SETX: variants seen among roughly 807,000 people sequenced by gnomAD.
SETX encodes the protein helicase senataxin.
In SETX, 90 loss-of-function variants were observed where a neutral mutation model predicts 227.2. That is an observed-to-expected ratio of 0.40 (90% CI 0.33 to 0.47). The LOEUF (loss-of-function observed/expected upper bound fraction) is 0.47. Ranked by LOEUF, SETX falls within the 20% of genes least tolerant of loss-of-function variation. The pLI is 0.91. For missense variants in SETX, 3,052 were observed against 3,181.5 expected, an observed-to-expected ratio of 0.96 and a Z score of 0.98; for synonymous variants, 1,210 against 1,113.2, an observed-to-expected ratio of 1.09 and a Z score of -1.73.
At chr9:132,307,937 A>G (rs865957737) in intron 11 of SETX, among the ~76,000 whole-genome samples, 2 of 152,114 alleles carry the variant, frequency 1.3e-5, no homozygotes, top group South Asian at 2.1e-4. Flanking sequence ...TCGGCCTCCC[A>G]AAGTGCTGGG....
chr9:132,272,602 C>T (rs556621549), intron 23 of SETX, among the ~76,000 whole-genome samples: 26 of 152,274 alleles, frequency 1.7e-4, no homozygotes, highest in African/African-American at 5.5e-4. Flanking sequence ...CCACCATGCT[C>T]GGCTGCTAAG....
chr9:132,300,774 G>A lies in SETX; in HGVS notation c.5404C>T (p.Gln1802Ter). The change falls in exon 12 of 26, where the codon CAG becomes TAG. Residue 1802 changes from glutamine to a stop codon, truncating the protein, a stop_gained. Transcript: ENST00000224140. LOFTEE classifies it high-confidence loss of function. Reference protein sequence around the residue: ...VYLEECELAKQLYPKENDLVF... With the variant: ...VYLEECELAK The stretch of plus-strand genomic sequence containing the variant: ...AAATCGTTTTCCTTTGGATAAAGCT[G>A]TTTAGCCAGTTCACATTCTTCCAGA... 1 of 1,613,314 alleles carries A rather than the reference G, an allele frequency of 6.2e-7. No individual in the cohort carries two copies. Among genetic ancestry groups the A allele is most frequent in the Non-Finnish European group, 8.5e-7 (1 of 1,179,840 alleles).
In SETX at chr9:132,320,993, A is replaced by C. The variant is rs116569190; in HGVS notation, c.5274+5331T>G. 4.2e-3 allele frequency among the ~76,000 whole-genome samples: 644 copies of C among 151,878 alleles called. 4 individuals are homozygous for C. Among genetic ancestry groups the C allele is most frequent in the African/African-American group, 0.015 (619 of 41,214 alleles). On this transcript the variant is annotated intron_variant, in intron 10 of 25. Transcript: ENST00000224140. ...TCCCTGGTCCCAGCAAAAAATGACA[A>C]GAGATTTTGTCTCTAGAGAGGATAA...
At chr9:132,352,914 C>T (rs1437659787) in intron 2 of SETX, among the ~76,000 whole-genome samples, 1 of 152,176 alleles carries the variant, frequency 6.6e-6, no homozygotes, top group Non-Finnish European at 1.5e-5. Flanking sequence ...TCTCCCTCAG[C>T]CGCAATCTCT....
Position 132,337,086 on chromosome 9 carries a change from A to T in SETX, c.499-571T>A, listed in dbSNP as rs915673125. On this transcript the variant is annotated intron_variant, in intron 5 of 25. Transcript: ENST00000224140. ...CATCTCAAAAAATATATATATAATA[A>T]TATTTTTCGTTTTTTTTAAGTCTTT... is the stretch of plus-strand genomic sequence containing the variant. Among the ~76,000 whole-genome samples, 5 of 151,958 alleles carry T rather than the reference A, an allele frequency of 3.3e-5. No homozygotes were observed. The South Asian group carries it at 8.3e-4, about 25-fold the overall frequency.
chr9:132,282,812 C>A lies in SETX; in HGVS notation c.6546+452G>T, dbSNP rs530225315. The A allele has an allele frequency of 2.8e-4, 46 of 165,788 alleles. No homozygotes were observed. The East Asian group carries it at 8.2e-3, about 30-fold the overall frequency. The allele number at this position is 165,788 out of a possible 1,614,324, so 10.3% of individuals were successfully genotyped here. On this transcript the variant is annotated intron_variant, in intron 19 of 25. Coordinates refer to ENST00000224140, the MANE Select transcript of SETX (RefSeq NM_015046.7). ...TCTTGGGTCTCCTGATCACTCAATT[C>A]TCTGGTATCTCCTGCTCCATCTCTT...
At chr9:132,316,598 CTA>C (rs1363811050) in intron 10 of SETX, among the ~76,000 whole-genome samples, 1 of 152,164 alleles carries the variant, frequency 6.6e-6, no homozygotes, top group Non-Finnish European at 1.5e-5. Context: ...AGTTTATGTG[CTA>C]TAAAGTACGA....
chr9:132,352,278 C>G (rs1204087753), intron 2 of SETX, among the ~76,000 whole-genome samples: 2 of 152,202 alleles, frequency 1.3e-5, no homozygotes, highest in Non-Finnish European at 2.9e-5. Flanking sequence ...GACACCACTT[C>G]TACCCAATCA....
chr9:132,353,962 G>A (rs1250187966), intron 1 of SETX, among the ~76,000 whole-genome samples: 1 of 152,136 alleles, frequency 6.6e-6, no homozygotes, highest in Non-Finnish European at 1.5e-5. Flanking sequence ...CCCACTCACG[G>A]GGACAGCTAG....
At chr9:132,283,445 C>T (rs769772720) in intron 18 of SETX, 32 bp from the exon 19 acceptor site, 3 of 1,613,720 alleles carry the variant, frequency 1.9e-6, no homozygotes, top group African/African-American at 1.3e-5. Context: ...CAATATTCAG[C>T]TGTACATCAA....
At chr9:132,333,455 A>G (rs992653904) in intron 7 of SETX, among the ~76,000 whole-genome samples, 1 of 143,934 alleles carries the variant, frequency 6.9e-6, no homozygotes, top group Non-Finnish European at 1.5e-5. Flanking sequence ...ACACACACAC[A>G]CACGCCCTAT....
intron 3 of SETX, among the ~76,000 whole-genome samples, chr9:132,348,376 A>AC (rs60659637): frequency 0.081 from 9,438 of 116,804 alleles, 649 homozygotes; most frequent in East Asian, 0.37. Flanking sequence ...AAAAAAACAA[A>AC]ACAAAAAAAA....
At chr9:132,286,075 C>T (rs1259527250) in intron 18 of SETX, among the ~76,000 whole-genome samples, 2 of 149,812 alleles carry the variant, frequency 1.3e-5, no homozygotes, top group East Asian at 2.0e-4. Flanking sequence ...CCTAGCTACT[C>T]GGGAGGCTGA....
chr9:132,336,396 C>A lies in SETX; in HGVS notation c.618G>T (p.Glu206Asp). The change falls in exon 6 of 26, where the codon GAG (glutamate) becomes GAT (aspartate). Residue 206 changes from glutamate to aspartate, a missense_variant. Transcript: ENST00000224140. ...LFKVIELGLL[E>D]SPDIYTSSVL... ...CAGAAGAAGTATAAATGTCTGGACT[C>A]TCTAAAAGCCCCAACTCAATGACTT... 6.2e-7 allele frequency: 1 copy of A among 1,614,052 alleles called. No individual in the cohort carries two copies. The highest frequency in any genetic ancestry group is 8.5e-7 in the Non-Finnish European group (1 of 1,179,940).
intron 11 of SETX, among the ~76,000 whole-genome samples, chr9:132,301,553 C>T (rs1320386946): frequency 6.6e-6 from 1 of 152,158 alleles, no homozygotes; most frequent in Non-Finnish European, 1.5e-5. Context: ...TATATTTTTA[C>T]TGTATCTTTT....
In SETX at chr9:132,264,866, C is replaced by T. The variant is rs1842562961; in HGVS notation, c.7407G>A (p.Leu2469=). The T allele has an allele frequency of 1.2e-6, 2 of 1,614,026 alleles. No individual in the cohort carries two copies. The highest frequency in any genetic ancestry group is 2.7e-5 in the African/African-American group (2 of 74,926). ...AVKILKLKPV[L]QRSLTHPPTI... ...TAGGAGGGTGAGTGAGACTTCTCTG[C>T]AGCACAGGCTTGAGTTTCAGAATCT... The change falls in exon 26 of 26, where the codon CTG becomes CTA. Residue 2469 remains leucine, a synonymous_variant. Transcript: ENST00000224140.
intron 11 of SETX, among the ~76,000 whole-genome samples, chr9:132,310,824 T>A: frequency 6.6e-6 from 1 of 152,252 alleles, no homozygotes; most frequent in Non-Finnish European, 1.5e-5. Context: ...GTGACGATGA[T>A]AAAGATGTAG....
At position 132,275,253 on chromosome 9, in the gene SETX, C is replaced by T. The variant is rs752203746; in HGVS notation, c.7100+3G>A. On this transcript the variant is annotated splice_donor_region_variant and intron_variant, in intron 23 of 25. Coordinates refer to ENST00000224140, the MANE Select transcript of SETX (RefSeq NM_015046.7). ...ATTGGAAATATTTATAAAAATGCCT[C>T]ACCCTTTTCTATCGAACTCTTTGTC... 5.0e-6 allele frequency: 8 copies of T among 1,613,808 alleles called. No homozygotes were observed. Among genetic ancestry groups the T allele is most frequent in the Non-Finnish European group, 5.9e-6 (7 of 1,179,786 alleles).
At chr9:132,296,132 G>A (rs1589667309) in intron 14 of SETX, 104 bp from the exon 15 acceptor site, 3 of 1,374,554 alleles carry the variant, frequency 2.2e-6, no homozygotes, top group Middle Eastern at 1.8e-4. Flanking sequence ...ATTTTTGAAA[G>A]TTCTCGTAAT....
Sources: gnomAD v4.1 joint callset for allele counts (sites outside exome capture counted in the v4.1 genomes callset) on GRCh38, gnomAD v4.1.1 for gene constraint, MANE v1.5 for transcripts, NCBI Gene and HGNC (gene_info 2026-07-23, HGNC 2026-07-21) for gene names.